The following AIRIM variants were observed in gnomAD, a reference collection of about 807,000 sequenced individuals.
AIRIM encodes the protein AFG2-interacting ribosome maturation factor.
the AIRIM span, chr1:37,690,025 T>TGTTTTTTTTC: frequency 1.5e-4 from 215 of 1,417,056 alleles, no homozygotes; most frequent in Non-Finnish European, 1.8e-4. Context: ...GTTTTTTTTT[T>TGTTTTTTTTC]GTTTTTTTTT....
At chr1:37,687,276 C>T in the AIRIM span, among the ~76,000 whole-genome samples, 3 of 151,100 alleles carry the variant, frequency 2.0e-5, no homozygotes, top group East Asian at 2.0e-4. Flanking sequence ...TACAGGCATG[C>T]GCCACCACAC....
At chr1:37,683,134 G>A in the AIRIM span, 1 of 1,612,620 alleles carries the variant, frequency 6.2e-7, no homozygotes, top group Non-Finnish European at 8.5e-7. Context: ...TACTCTTCCA[G>A]GAAGAAGGAA....
the AIRIM span, among the ~76,000 whole-genome samples, chr1:37,687,200 T>C: frequency 6.6e-6 from 1 of 151,604 alleles, no homozygotes; most frequent in Non-Finnish European, 1.5e-5. Flanking sequence ...CGATCTTGGC[T>C]CACCACAACC....
the AIRIM span, among the ~76,000 whole-genome samples, chr1:37,685,361 C>T: frequency 2.0e-5 from 3 of 150,338 alleles, no homozygotes; most frequent in East Asian, 6.1e-4. Flanking sequence ...AGCTGCACAC[C>T]ATCATGCCTG....
the AIRIM span, chr1:37,689,715 G>T: frequency 6.2e-7 from 1 of 1,613,990 alleles, no homozygotes; most frequent in East Asian, 2.2e-5. Context: ...TCCTCAAACC[G>T]CAGGTTCTGT....
the AIRIM span, chr1:37,692,212 T>C: frequency 5.6e-6 from 1 of 178,862 alleles, no homozygotes; most frequent in African/African-American, 2.4e-5. Context: ...CCCCCAGCCC[T>C]CCAGAGCTTG....
chr1:37,682,860 T>A, the AIRIM span: 1 of 440,010 alleles, frequency 2.3e-6, no homozygotes, highest in African/African-American at 2.0e-5. Flanking sequence ...TCTTTCCTGT[T>A]GTCTCTCTAG....
chr1:37,690,130 C>T, the AIRIM span: 11 of 1,220,622 alleles, frequency 9.0e-6, no homozygotes, highest in Admixed American at 3.1e-4. Flanking sequence ...AATTCTCCTG[C>T]CTCAGCCTCC....
chr1:37,690,199 T>C, the AIRIM span: 1 of 1,184,124 alleles, frequency 8.4e-7, no homozygotes, highest in African/African-American at 1.6e-5. Context: ...GTATTTTTAG[T>C]AGACGGGGTT....
the AIRIM span, among the ~76,000 whole-genome samples, chr1:37,684,566 C>T: frequency 6.6e-6 from 1 of 152,164 alleles, no homozygotes; most frequent in Admixed American, 6.5e-5. Context: ...TTGCAGTGAG[C>T]CAAGATCGTG....
the AIRIM span, chr1:37,683,551 T>C: frequency 8.1e-7 from 1 of 1,236,026 alleles, no homozygotes; most frequent in Non-Finnish European, 1.1e-6. Context: ...TATCCTTACA[T>C]TTTACCAGGT....
the AIRIM span, among the ~76,000 whole-genome samples, chr1:37,685,192 T>TGGGGGGGG: frequency 1.1e-4 from 5 of 44,794 alleles, no homozygotes; most frequent in East Asian, 8.2e-4. Flanking sequence ...TGCTTTTTTT[T>TGGGGGGGG]GGGGGGGGGG....
chr1:37,689,060 C>T, the AIRIM span, among the ~76,000 whole-genome samples: 1 of 151,610 alleles, frequency 6.6e-6, no homozygotes, highest in Admixed American at 6.6e-5. Flanking sequence ...GGCACAGAGA[C>T]ACCAATCTAC....
chr1:37,682,819 T>C, the AIRIM span: 1 of 299,134 alleles, frequency 3.3e-6, no homozygotes, highest in Non-Finnish European at 6.3e-6. Flanking sequence ...AGGTCCACAA[T>C]AGAGGAAAGA....
the AIRIM span, among the ~76,000 whole-genome samples, chr1:37,687,096 G>A: frequency 3.5e-5 from 5 of 140,946 alleles, no homozygotes; most frequent in African/African-American, 1.4e-4. Context: ...GTGTGTGTGT[G>A]TGTGTGTGTG....
At chr1:37,688,748 T>A in the AIRIM span, among the ~76,000 whole-genome samples, 1 of 152,114 alleles carries the variant, frequency 6.6e-6, no homozygotes, top group African/African-American at 2.4e-5. Flanking sequence ...CTCCCCTCTG[T>A]CCTCAATAAC....
chr1:37,686,996 C>T, the AIRIM span, among the ~76,000 whole-genome samples: 3 of 151,422 alleles, frequency 2.0e-5, no homozygotes, highest in Admixed American at 2.0e-4. Context: ...GCAGAGGTTG[C>T]AGTGAGCCAA....
chr1:37,689,592 A>G, the AIRIM span: 1 of 1,577,830 alleles, frequency 6.3e-7, no homozygotes, highest in Non-Finnish European at 8.6e-7. Context: ...AAACAGCACT[A>G]GGGAGCTGCT....
the AIRIM span, chr1:37,682,918 A>G: frequency 3.4e-6 from 2 of 589,340 alleles, no homozygotes; most frequent in Non-Finnish European, 6.1e-6. Flanking sequence ...CATGGCTCAC[A>G]TACTCTCAGC....
Sources: allele counts gnomAD v4.1 joint callset (sites outside exome capture counted in the v4.1 genomes callset), GRCh38; gene constraint gnomAD v4.1.1; transcripts MANE v1.5; gene names NCBI Gene and HGNC (gene_info 2026-07-23, HGNC 2026-07-21).